Variants in WNK2 observed in about 807,000 individuals in gnomAD.
WNK2 encodes serine/threonine-protein kinase WNK2.
Under a neutral mutation model 192.1 loss-of-function variants are expected in WNK2, and 67 were observed. The observed-to-expected ratio is 0.35, with a 90% CI of 0.29 to 0.43. The LOEUF (loss-of-function observed/expected upper bound fraction) is 0.43, where lower values mean the gene tolerates loss of function less well. Ranked by LOEUF, WNK2 falls within the 20% of genes least tolerant of loss-of-function variation. The pLI, the probability that WNK2 is intolerant of heterozygous loss-of-function variation, is 1.00. For missense variants in WNK2, 2,698 were observed against 3,089.7 expected (o/e 0.87, Z 3.01); for synonymous variants, 1,439 against 1,393.9 (o/e 1.03, Z -0.72).
intron 2 of WNK2, among the ~76,000 whole-genome samples, chr9:93,211,389 T>C (rs1834664459): frequency 6.8e-6 from 1 of 146,778 alleles, no homozygotes; most frequent in Admixed American, 6.8e-5. Context: ...ATTCACTCAC[T>C]CATATACTCA....
intron 2 of WNK2, among the ~76,000 whole-genome samples, chr9:93,201,947 GCTC>G (rs1832441891): frequency 6.6e-6 from 1 of 152,226 alleles, no homozygotes; most frequent in Non-Finnish European, 1.5e-5. Context: ...CCAGAGTGGA[GCTC>G]CTTGGGGCCT....
At chr9:93,308,647 C>A in intron 28 of WNK2, 63 bp downstream of exon 28, 1 of 1,480,132 alleles carries the variant, frequency 6.8e-7, no homozygotes. Flanking sequence ...CCAGCATTTG[C>A]TAGTGCCCTG....
At chr9:93,199,046 TCC>T (rs1424362646) in intron 2 of WNK2, among the ~76,000 whole-genome samples, 1 of 152,176 alleles carries the variant, frequency 6.6e-6, no homozygotes, top group East Asian at 1.9e-4. Flanking sequence ...GGACCCAGGT[TCC>T]CACACACCCT....
At chr9:93,193,997 A>G (rs1278654371) in intron 2 of WNK2, among the ~76,000 whole-genome samples, 2 of 152,232 alleles carry the variant, frequency 1.3e-5, no homozygotes, top group Non-Finnish European at 2.9e-5. Flanking sequence ...CAAAGGCAAT[A>G]AAATAGAGAC....
chr9:93,192,786 AC>A (rs1214154046), intron 2 of WNK2, among the ~76,000 whole-genome samples: 2 of 151,990 alleles, frequency 1.3e-5, no homozygotes, highest in African/African-American at 4.8e-5. Flanking sequence ...CCTTCTTCCC[AC>A]CCCTGGGCCC....
At chr9:93,212,433 A>G (rs1315022668) in intron 2 of WNK2, among the ~76,000 whole-genome samples, 2 of 151,988 alleles carry the variant, frequency 1.3e-5, no homozygotes, top group African/African-American at 4.8e-5. Context: ...ACAGATGACT[A>G]CTCACCCTGC....
intron 4 of WNK2, among the ~76,000 whole-genome samples, chr9:93,232,792 C>T (rs934429586): frequency 2.6e-5 from 4 of 152,038 alleles, no homozygotes; most frequent in African/African-American, 4.8e-5. Context: ...GGCTGTCCCT[C>T]GTCAACCCAG....
intron 10 of WNK2, 187 bp from the exon 11 acceptor site, chr9:93,256,761 T>G (rs1395564475): frequency 1.4e-6 from 1 of 693,202 alleles, no homozygotes; most frequent in Non-Finnish European, 2.3e-6. Context: ...GGCTGGAGTT[T>G]GGTGATCTGT....
intron 3 of WNK2, 140 bp from the exon 4 acceptor site, chr9:93,230,748 C>G (rs888096342): frequency 9.8e-6 from 8 of 814,390 alleles, no homozygotes; most frequent in Non-Finnish European, 1.5e-5. Flanking sequence ...TCCCGTCTCA[C>G]CTTCACTACC....
At chr9:93,319,517 C>CT (rs1340664303) in intron 29 of WNK2, 2 of 614,130 alleles carry the variant, frequency 3.3e-6, no homozygotes, top group African/African-American at 4.0e-5. Flanking sequence ...CCTGATTACA[C>CT]TTAGCAGTGC....
rs914783186 is a variant in WNK2 at position 93,257,704 on chromosome 9, C to T, written c.2382+565C>T. Among the ~76,000 whole-genome samples the T allele has an allele frequency of 6.6e-6, 1 of 152,206 alleles. No homozygotes were observed. The highest frequency in any genetic ancestry group is 2.4e-5 in the African/African-American group (1 of 41,446). ...CTCCAGGGCCGTGTGGCATGTGGCT[C>T]CTCGGAGTTCCAAAGCCAGCCTGTG... On this transcript the variant is annotated intron_variant, in intron 11 of 29. Transcript: ENST00000427277. This position sits in a 1 kb window ranked among gnomAD's most constrained non-coding sequence, Gnocchi z 4.7.
intron 7 of WNK2, among the ~76,000 whole-genome samples, chr9:93,241,330 T>C (rs925833471): frequency 2.0e-5 from 3 of 152,256 alleles, no homozygotes; most frequent in Non-Finnish European, 4.4e-5. Flanking sequence ...TATTGCATGG[T>C]AAGAAAGTTG....
chr9:93,317,243 C>G (rs1854858251), intron 28 of WNK2: 1 of 559,626 alleles, frequency 1.8e-6, no homozygotes, highest in East Asian at 3.0e-5. Context: ...CCAGGCCCCA[C>G]TAGTCCTCCT....
At chr9:93,281,251 C>A (rs1847689264) in intron 19 of WNK2, among the ~76,000 whole-genome samples, 1 of 152,142 alleles carries the variant, frequency 6.6e-6, no homozygotes, top group Non-Finnish European at 1.5e-5. Context: ...ACAGCAGTAA[C>A]AGAGCATGTC....
rs751234631 is a variant in WNK2 at position 93,252,971 on chromosome 9, C to T, written c.1923C>T (p.Ala641=). The change falls in exon 9 of 30, where the codon GCC becomes GCT. Residue 641 remains alanine, a synonymous_variant. Transcript: ENST00000427277. ...SQQSVMLGSL[A]DAAPSPAQCV... ...AGAGCGTGATGCTTGGCTCCCTTGC[C>T]GACGCAGCGCCGTCCCCGGCCCAGT... is the stretch of plus-strand genomic sequence containing the variant. The T allele has an allele frequency of 3.1e-5, 49 of 1,572,844 alleles. No homozygotes were observed. In the South Asian group the frequency reaches 3.6e-4, roughly 12 times the overall value.
At chr9:93,277,232 T>C (rs1847066010) in intron 19 of WNK2, among the ~76,000 whole-genome samples, 1 of 152,222 alleles carries the variant, frequency 6.6e-6, no homozygotes, top group South Asian at 2.1e-4. Context: ...AATCTGGGTG[T>C]GGCTGTGGAA....
At chr9:93,308,233 T>C in intron 27 of WNK2, 95 bp from the exon 28 acceptor site, 1 of 1,479,876 alleles carries the variant, frequency 6.8e-7, no homozygotes, top group Non-Finnish European at 9.0e-7. Flanking sequence ...GAGACCATTG[T>C]CTCAGCTGTC....
In WNK2 at chr9:93,263,621, G is replaced by A. The variant is rs149146046; in HGVS notation, c.3466G>A (p.Ala1156Thr). 2.0e-5 allele frequency: 32 copies of A among 1,609,418 alleles called. No homozygotes were observed. Among genetic ancestry groups the A allele is most frequent in the Non-Finnish European group, 2.5e-5 (29 of 1,178,856 alleles). ...AGAGCTGAGTGACAGCTGTGAAGGC[G>A]CCTTTGGAGGGGGCAGGCTGGAGGG... ...GKELSDSCEGAFGGGRLEGRA... is the reference protein window; with the variant it reads ...GKELSDSCEGTFGGGRLEGRA... The change falls in exon 15 of 30, where the codon GCC becomes ACC. Residue 1156 changes from alanine (A) to threonine (T), a missense_variant. Physicochemically the swap from Ala to Thr is moderately conservative, Grantham distance 58. Transcript: ENST00000427277.
intron 19 of WNK2, among the ~76,000 whole-genome samples, chr9:93,272,391 G>T (rs1335670847): frequency 6.6e-6 from 1 of 152,108 alleles, no homozygotes; most frequent in African/African-American, 2.4e-5. Flanking sequence ...ACCACTGAAA[G>T]AATTATACAA....
Sources: gnomAD v4.1 joint callset for allele counts (sites outside exome capture counted in the v4.1 genomes callset) on GRCh38, gnomAD v4.1.1 for gene constraint, Gnocchi (gnomAD v3.1) non-coding constraint, MANE v1.5 for transcripts, NCBI Gene and HGNC (gene_info 2026-07-23, HGNC 2026-07-21) for gene names.